ADCY7: variants seen among roughly 807,000 people sequenced by gnomAD.
ADCY7 encodes the protein adenylate cyclase 7.
In ADCY7, 72 loss-of-function variants were observed where a neutral mutation model predicts 120.6. That is an observed-to-expected ratio of 0.60 (90% CI 0.49 to 0.73). The LOEUF is 0.73. Among genes scored for constraint, ADCY7 ranks in the 30% least tolerant of loss-of-function variants. The pLI is 0.00. For missense variants in ADCY7, 1,227 were observed against 1,486.0 expected (o/e 0.83, Z 2.87); for synonymous variants, 661 against 628.0 (o/e 1.05, Z -0.78).
intron 1 of ADCY7, among the ~76,000 whole-genome samples, chr16:50,270,594 C>T (rs913225217): frequency 5.3e-5 from 8 of 152,190 alleles, no homozygotes; most frequent in Non-Finnish European, 1.2e-4. Flanking sequence ...CTGTCGGTGT[C>T]GTGAGGCTCT....
At position 50,293,570 on chromosome 16, in the gene ADCY7, G is replaced by A. The variant is rs536774192; in HGVS notation, c.836+68G>A. On this transcript the variant is annotated intron_variant, in intron 6 of 25. Coordinates refer to ENST00000673801, the MANE Select transcript of ADCY7 (RefSeq NM_001114.5). ...CCCACCGTTCCACCGGCCCCCAGGC[G>A]GCCTCCCCGCCCTATCTGGAGGCTC... is the stretch of plus-strand genomic sequence containing the variant. The A allele has an allele frequency of 9.0e-6, 14 of 1,557,604 alleles. No homozygotes were observed. The East Asian group carries it at 9.4e-5, about 10-fold the overall frequency.
intron 1 of ADCY7, among the ~76,000 whole-genome samples, chr16:50,255,402 G>GAAAAAAAAAAAAAAAAAAAAAAA (rs60335173): frequency 3.7e-5 from 4 of 108,142 alleles, no homozygotes; most frequent in African/African-American, 1.5e-4. Context: ...TCTGTTTCTG[G>GAAAAAAAAAAAAAAAAAAAAAAA]AAAAAAAAAA....
chr16:50,270,038 A>C (rs2033455319), intron 1 of ADCY7, among the ~76,000 whole-genome samples: 1 of 152,076 alleles, frequency 6.6e-6, no homozygotes. Flanking sequence ...AAAAATTACA[A>C]ATATTAGCCA....
At chr16:50,309,085 C>T (rs2036275013) in intron 17 of ADCY7, 1 of 367,678 alleles carries the variant, frequency 2.7e-6, no homozygotes, top group Non-Finnish European at 4.9e-6. Context: ...ACTCAGTTTC[C>T]CCTCTCAGGG....
At chr16:50,300,637 T>C (rs2035651768) in intron 8 of ADCY7, 78 bp from the exon 9 acceptor site, 1 of 1,513,008 alleles carries the variant, frequency 6.6e-7, no homozygotes, top group South Asian at 1.2e-5. Context: ...TGCTGCCCTG[T>C]ACCCACCCCA....
At chr16:50,265,051 G>A (rs1056230165), upstream of ADCY7, among the ~76,000 whole-genome samples, 2 of 152,198 alleles carry the variant, frequency 1.3e-5, no homozygotes, top group African/African-American at 4.8e-5. Context: ...TAGCCAGGCT[G>A]GTTTCAAACT....
chr16:50,260,938 G>A (rs2033042533), intron 1 of ADCY7, among the ~76,000 whole-genome samples: 1 of 152,250 alleles, frequency 6.6e-6, no homozygotes, highest in East Asian at 1.9e-4. Flanking sequence ...CACAGGTGGT[G>A]TGGGAGGGGA....
chr16:50,263,801 G>A (rs1271286242), upstream of ADCY7, among the ~76,000 whole-genome samples: 2 of 150,552 alleles, frequency 1.3e-5, no homozygotes, highest in Non-Finnish European at 3.0e-5. Flanking sequence ...CTTGGCCCCC[G>A]ATATCTCCCC....
At chr16:50,263,549 G>T (rs574374952), upstream of ADCY7, among the ~76,000 whole-genome samples, 1 of 152,118 alleles carries the variant, frequency 6.6e-6, no homozygotes, top group Non-Finnish European at 1.5e-5. Flanking sequence ...TACAGCCTCT[G>T]CTGTATGGCC....
chr16:50,247,580 A>G (rs886680971), intron 1 of ADCY7, among the ~76,000 whole-genome samples: 15 of 127,246 alleles, frequency 1.2e-4, no homozygotes, highest in Admixed American at 1.9e-4. Context: ...TGGTCTCACT[A>G]TGTTGTCCAG....
chr16:50,306,771 A>C (rs2036093782), intron 14 of ADCY7, among the ~76,000 whole-genome samples: 1 of 152,200 alleles, frequency 6.6e-6, no homozygotes, highest in South Asian at 2.1e-4. Context: ...GAATGGAAAC[A>C]GGCGAAACTT....
At chr16:50,296,224 T>G (rs1431020523) in intron 7 of ADCY7, among the ~76,000 whole-genome samples, 1 of 152,054 alleles carries the variant, frequency 6.6e-6, no homozygotes, top group Non-Finnish European at 1.5e-5. Context: ...GGCTAATTTT[T>G]TTGTATTTTG....
At chr16:50,267,877 G>C (rs2150821277) in intron 1 of ADCY7, among the ~76,000 whole-genome samples, 1 of 152,318 alleles carries the variant, frequency 6.6e-6, no homozygotes, top group Middle Eastern at 3.4e-3. Context: ...GGGGGCTGCA[G>C]CTCAGGAAGG....
In ADCY7 at chr16:50,293,477, TAC is replaced by T; in HGVS notation, c.812_813del (p.Tyr271CysfsTer35). The T allele has an allele frequency of 1.2e-6, 2 of 1,613,960 alleles. No homozygotes were observed. Among genetic ancestry groups the T allele is most frequent in the Non-Finnish European group, 1.7e-6 (2 of 1,179,994 alleles). ...CMPDNNFHSL[Y>X]VKRHQNVSIL... ...GCCTGACAACAACTTCCACAGCCTC[TAC>T]GTCAAGAGGCACCAGAATGTCAGGT... On this transcript the variant is annotated frameshift_variant, in exon 6 of 26. Transcript: ENST00000673801. LOFTEE classifies it high-confidence loss of function.
intron 1 of ADCY7, among the ~76,000 whole-genome samples, chr16:50,255,373 C>T (rs2032882710): frequency 7.9e-6 from 1 of 126,202 alleles, no homozygotes; most frequent in Admixed American, 9.1e-5. Context: ...CATGAGCTAC[C>T]ATGCCTGGCC....
chr16:50,253,224 T>A (rs1029910367), intron 1 of ADCY7, among the ~76,000 whole-genome samples: 1 of 152,334 alleles, frequency 6.6e-6, no homozygotes, highest in Admixed American at 6.5e-5. Context: ...TTCTTTAGGG[T>A]AAATTAAAAC....
intron 1 of ADCY7, among the ~76,000 whole-genome samples, chr16:50,280,052 A>G (rs1481842463): frequency 6.6e-6 from 1 of 152,128 alleles, no homozygotes; most frequent in East Asian, 1.9e-4. Flanking sequence ...GGTAGAATTC[A>G]GCTGTGAATC....
intron 1 of ADCY7, among the ~76,000 whole-genome samples, chr16:50,251,872 C>G (rs1596787034): frequency 2.0e-5 from 3 of 152,236 alleles, no homozygotes; most frequent in Admixed American, 2.0e-4. Flanking sequence ...CCTGCTCCCC[C>G]ACGCAGAGGG....
At chr16:50,301,482 T>C (rs1596952093) in intron 10 of ADCY7, among the ~76,000 whole-genome samples, 2 of 152,348 alleles carry the variant, frequency 1.3e-5, no homozygotes, top group African/African-American at 4.8e-5. Flanking sequence ...ACAGTGCGCC[T>C]GGCACGTCAC....
Sources: gnomAD v4.1 joint callset for allele counts (sites outside exome capture counted in the v4.1 genomes callset) on GRCh38, gnomAD v4.1.1 for gene constraint, MANE v1.5 for transcripts, NCBI Gene and HGNC (gene_info 2026-07-23, HGNC 2026-07-21) for gene names.